SLC49A4: variants seen among roughly 807,000 people sequenced by gnomAD.
SLC49A4 encodes disrupted in renal cancer protein 2.
In SLC49A4, 36 loss-of-function variants were observed where a neutral mutation model predicts 50.6. The observed-to-expected ratio is 0.71, with a 90% CI of 0.55 to 0.94. The LOEUF (loss-of-function observed/expected upper bound fraction) is 0.94, where lower values mean the gene tolerates loss of function less well. SLC49A4 is among the 40% of genes least tolerant of loss of function. The probability of loss-of-function intolerance (pLI) is 0.00; values close to 1 mark genes in which losing one functional copy is unlikely to be tolerated. For synonymous variants in SLC49A4, 248 were observed against 241.2 expected, an observed-to-expected ratio of 1.03 and a Z score of -0.26; for missense variants, 503 against 605.7, an observed-to-expected ratio of 0.83 and a Z score of 1.78.
intron 8 of SLC49A4, 54 bp from the exon 9 acceptor site, chr3:122,879,209 T>C (rs1937302912): frequency 8.0e-7 from 1 of 1,244,356 alleles, no homozygotes; most frequent in Non-Finnish European, 1.2e-6. Context: ...ATACAGGTGG[T>C]GGTCTGCTGG....
chr3:122,861,039 T>TC (rs1468519721), intron 7 of SLC49A4, among the ~76,000 whole-genome samples: 2 of 152,210 alleles, frequency 1.3e-5, no homozygotes, highest in Non-Finnish European at 2.9e-5. Flanking sequence ...TCTGTGCCTT[T>TC]CTTCCATCGT....
intron 8 of SLC49A4, among the ~76,000 whole-genome samples, chr3:122,876,138 T>C (rs2107585648): frequency 6.6e-6 from 1 of 152,354 alleles, no homozygotes; most frequent in South Asian, 2.1e-4. Flanking sequence ...AGAATCCCAT[T>C]GAGTTGACAT....
chr3:122,840,283 T>C (rs1235030692), intron 4 of SLC49A4, among the ~76,000 whole-genome samples: 4 of 152,174 alleles, frequency 2.6e-5, no homozygotes, highest in Non-Finnish European at 5.9e-5. Flanking sequence ...TTGGGTACAC[T>C]GTACACTACT....
At chr3:122,846,412 A>T (rs1246093366) in intron 5 of SLC49A4, among the ~76,000 whole-genome samples, 1 of 149,000 alleles carries the variant, frequency 6.7e-6, no homozygotes, top group Non-Finnish European at 1.5e-5. Context: ...TGTATGAGTA[A>T]AAAAAAAAAA....
chr3:122,865,065 T>TA (rs1424095734), intron 7 of SLC49A4, among the ~76,000 whole-genome samples: 2 of 152,358 alleles, frequency 1.3e-5, no homozygotes, highest in Non-Finnish European at 1.5e-5. Flanking sequence ...GTAATCCTCT[T>TA]ACTATATTTT....
At chr3:122,808,309 A>T (rs1936251864) in intron 2 of SLC49A4, among the ~76,000 whole-genome samples, 1 of 152,232 alleles carries the variant, frequency 6.6e-6, no homozygotes, top group Non-Finnish European at 1.5e-5. Context: ...AGTATGTGCT[A>T]TGGAGAGTAA....
chr3:122,824,562 T>C (rs1936496621), intron 2 of SLC49A4, among the ~76,000 whole-genome samples: 1 of 152,048 alleles, frequency 6.6e-6, no homozygotes, highest in African/African-American at 2.4e-5. Flanking sequence ...TTCTCTTCTC[T>C]TCTCTTCTTT....
intron 2 of SLC49A4, among the ~76,000 whole-genome samples, chr3:122,825,383 C>T (rs1431200871): frequency 6.6e-6 from 1 of 152,000 alleles, no homozygotes. Flanking sequence ...GAAAATAATT[C>T]CCCTTACACA....
At position 122,845,806 on chromosome 3, in the gene SLC49A4, C is replaced by T. The variant is rs565307603; in HGVS notation, c.877C>T (p.Leu293Phe). ...GATTGCTTTAGCATATGCCATACCA[C>T]TTGGTGTATTTGCTGGCTGGTCTGG... is the stretch of plus-strand genomic sequence containing the variant. ...LMIALAYAIP[L>F]GVFAGWSGVL... Residue 293 changes from leucine to phenylalanine, a missense_variant, in exon 5 of 9, where the codon CTT becomes TTT. Leu to Phe is a conservative substitution (Grantham distance 22). Transcript: ENST00000261038. The T allele has an allele frequency of 1.2e-6, 2 of 1,612,424 alleles. No homozygotes were observed. The highest frequency in any genetic ancestry group is 4.5e-5 in the East Asian group (2 of 44,746).
chr3:122,815,990 A>G (rs1018804822), intron 2 of SLC49A4, among the ~76,000 whole-genome samples: 7 of 152,210 alleles, frequency 4.6e-5, no homozygotes, highest in African/African-American at 1.7e-4. Context: ...TTCCATGGAA[A>G]TGTAGCCATG....
intron 2 of SLC49A4, among the ~76,000 whole-genome samples, chr3:122,826,347 G>C (rs1192354067): frequency 6.6e-6 from 1 of 152,198 alleles, no homozygotes; most frequent in African/African-American, 2.4e-5. Context: ...CTAGTAGAAG[G>C]AGTATGGATT....
chr3:122,869,634 T>C (rs1005999384), intron 7 of SLC49A4, among the ~76,000 whole-genome samples: 1 of 152,178 alleles, frequency 6.6e-6, no homozygotes, highest in African/African-American at 2.4e-5. Flanking sequence ...TGATAGACAT[T>C]TCCAAATTAC....
chr3:122,859,451 G>A (rs576933263), intron 6 of SLC49A4, among the ~76,000 whole-genome samples: 13 of 152,282 alleles, frequency 8.5e-5, no homozygotes, highest in African/African-American at 2.4e-4. Flanking sequence ...GCAAGTTCAT[G>A]TCAACAAGTT....
chr3:122,872,440 C>A lies in SLC49A4; in HGVS notation c.1164C>A (p.Leu388=). The A allele has an allele frequency of 6.2e-7, 1 of 1,613,380 alleles. No homozygotes were observed. The highest frequency in any genetic ancestry group is 1.1e-5 in the South Asian group (1 of 90,804). ...TTVTLYASCI[L]LGVFLNSSVP... ...TGACATTGTATGCCTCCTGTATTCTCCTGGGAGTGTTCTTGAATAGCAGCG... is the reference window on the plus strand; with the variant it reads ...TGACATTGTATGCCTCCTGTATTCTACTGGGAGTGTTCTTGAATAGCAGCG... The change falls in exon 8 of 9, where the codon CTC becomes CTA. Residue 388 remains leucine (L), a synonymous_variant. Transcript: ENST00000261038.
In SLC49A4 at chr3:122,795,149, ACCCGGACTGCG is replaced by A; in HGVS notation, c.-38_-28del. The A allele has an allele frequency of 7.7e-7, 1 of 1,305,316 alleles. No homozygotes were observed. 80.9% of individuals were successfully genotyped at this position (1,305,316 alleles called of 1,614,324 possible). A position where few individuals can be genotyped will look rare whatever the true frequency, so the allele number is the denominator to read the frequency against. ...TTCTGCGCTGGGCTAGTCGGCGGTG[ACCCGGACTGCG>A]CCCGGCAGTGGCTTCGCGGGCGACG... On this transcript the variant is annotated 5_prime_UTR_variant, in exon 1 of 9. Coordinates refer to ENST00000261038, the MANE Select transcript of SLC49A4 (RefSeq NM_032839.3).
At chr3:122,809,006 GA>G (rs1269544162) in intron 2 of SLC49A4, among the ~76,000 whole-genome samples, 1 of 152,126 alleles carries the variant, frequency 6.6e-6, no homozygotes, top group East Asian at 1.9e-4. Context: ...AAAGAGATGG[GA>G]GGTGATATGC....
chr3:122,866,775 G>T (rs1036051167), intron 7 of SLC49A4, among the ~76,000 whole-genome samples: 3 of 151,542 alleles, frequency 2.0e-5, no homozygotes, highest in Admixed American at 2.0e-4. Flanking sequence ...CCACTGACCT[G>T]CCAGATGACT....
intron 4 of SLC49A4, among the ~76,000 whole-genome samples, chr3:122,834,413 C>A (rs548257902): frequency 1.5e-4 from 23 of 152,152 alleles, no homozygotes; most frequent in African/African-American, 4.3e-4. Flanking sequence ...CAAAAGGAAC[C>A]CTCAAAACTG....
chr3:122,873,705 GA>G (rs1937224431), intron 8 of SLC49A4, among the ~76,000 whole-genome samples: 1 of 152,198 alleles, frequency 6.6e-6, no homozygotes, highest in African/African-American at 2.4e-5. Flanking sequence ...TGATATTAAT[GA>G]AGTCAGAAGG....
Sources: allele counts gnomAD v4.1 joint callset (sites outside exome capture counted in the v4.1 genomes callset), GRCh38; gene constraint gnomAD v4.1.1; transcripts MANE v1.5; gene names NCBI Gene and HGNC (gene_info 2026-07-23, HGNC 2026-07-21).